The following TRPS1 variants were observed in gnomAD, a reference collection of about 807,000 sequenced individuals.
TRPS1 encodes zinc finger transcription factor Trps1.
A neutral mutation model predicts 101.2 loss-of-function variants in TRPS1; 6 were observed. The observed-to-expected ratio is 0.06, with a 90% CI of 0.03 to 0.12. The LOEUF is 0.12. TRPS1 is among the 10% of genes least tolerant of loss of function. TRPS1 has a pLI of 1.00. For synonymous variants in TRPS1, 578 were observed against 589.8 expected (o/e 0.98, Z 0.29); for missense variants, 1,363 against 1,567.0 (o/e 0.87, Z 2.20).
chr8:115,534,249 C>T (rs190344906), intron 5 of TRPS1, among the ~76,000 whole-genome samples: 52 of 150,064 alleles, frequency 3.5e-4, no homozygotes, highest in African/African-American at 1.2e-3. Flanking sequence ...GCTCTAACCC[C>T]GATACCATCA....
At chr8:115,607,699 C>T (rs1467017629) in intron 3 of TRPS1, among the ~76,000 whole-genome samples, 2 of 151,732 alleles carry the variant, frequency 1.3e-5, no homozygotes, top group East Asian at 3.9e-4. Context: ...ATATTAGAAT[C>T]ACATATTTTA....
rs761942727 is a variant in TRPS1 at position 115,451,152 on chromosome 8, G to GCT, written c.2701-32702_2701-32701dup. On this transcript the variant is annotated intron_variant, in intron 5 of 6. Coordinates refer to ENST00000395715, the MANE Select transcript of TRPS1 (RefSeq NM_014112.5). ...TAAAACCTGTATATTCATGTTGATT[G>GCT]CTATATTAGATGTGCAGTGCTCTAC... 1.1e-4 allele frequency among the ~76,000 whole-genome samples: 16 copies of GCT among 152,254 alleles called. No individual in the cohort carries two copies. The South Asian group carries it at 2.1e-3, about 20-fold the overall frequency.
chr8:115,667,001 C>A (rs1166895979), intron 1 of TRPS1, among the ~76,000 whole-genome samples: 1 of 152,192 alleles, frequency 6.6e-6, no homozygotes, highest in African/African-American at 2.4e-5. Flanking sequence ...TAAACTCTAG[C>A]CGTGATTTTC....
intron 1 of TRPS1, among the ~76,000 whole-genome samples, chr8:115,657,831 T>C (rs775195248): frequency 2.9e-4 from 44 of 152,010 alleles, no homozygotes; most frequent in Admixed American, 2.7e-3. Flanking sequence ...TCCTACTCAA[T>C]AGCAAACAAT....
chr8:115,455,775 C>CTTTCTTTTTTTTTTTTTTTTTTT (rs1554622479), intron 5 of TRPS1, among the ~76,000 whole-genome samples: 1 of 119,992 alleles, frequency 8.3e-6, no homozygotes, highest in African/African-American at 3.4e-5. Flanking sequence ...TTCTTTCTTT[C>CTTTCTTTTTTTTTTTTTTTTTTT]TTTTTTTTTT....
intron 5 of TRPS1, chr8:115,492,173 T>C (rs1350235069): frequency 6.6e-6 from 3 of 456,062 alleles, no homozygotes; most frequent in Non-Finnish European, 1.3e-5. Context: ...AGTATGGGTC[T>C]TAGAAAATAC....
At chr8:115,509,008 A>G (rs1016805633) in intron 5 of TRPS1, among the ~76,000 whole-genome samples, 35 of 152,088 alleles carry the variant, frequency 2.3e-4, no homozygotes, top group African/African-American at 8.2e-4. Context: ...CTTCTCTTGA[A>G]TTAAACAAAC....
intron 1 of TRPS1, among the ~76,000 whole-genome samples, chr8:115,646,733 C>T (rs11992021): frequency 0.048 from 7,303 of 152,048 alleles, 552 homozygotes; most frequent in African/African-American, 0.16. Context: ...AGACGTTTGA[C>T]GGCAAACTGT....
At chr8:115,502,645 G>A (rs1239667439) in intron 5 of TRPS1, among the ~76,000 whole-genome samples, 1 of 152,192 alleles carries the variant, frequency 6.6e-6, no homozygotes, top group African/African-American at 2.4e-5. Flanking sequence ...TGTGAATTGT[G>A]TGAGTGCCAA....
chr8:115,425,004 C>T (rs533508327), intron 5 of TRPS1, among the ~76,000 whole-genome samples: 3 of 152,282 alleles, frequency 2.0e-5, no homozygotes, highest in African/African-American at 7.2e-5. Flanking sequence ...GACTACACAC[C>T]AGTAGACCCT....
intron 5 of TRPS1, among the ~76,000 whole-genome samples, chr8:115,530,726 T>C (rs912453483): frequency 2.6e-5 from 4 of 152,136 alleles, no homozygotes; most frequent in Non-Finnish European, 4.4e-5. Flanking sequence ...GTGGCACATA[T>C]ACACCATGGA....
At chr8:115,619,024 G>A (rs1023574149) in intron 3 of TRPS1, 108 bp downstream of exon 3, 1 of 1,180,914 alleles carries the variant, frequency 8.5e-7, no homozygotes, top group Non-Finnish European at 1.2e-6. Flanking sequence ...GCTAGATCTA[G>A]CAGGCTACCT....
chr8:115,611,672 T>C (rs1818170329), intron 3 of TRPS1, among the ~76,000 whole-genome samples: 1 of 152,138 alleles, frequency 6.6e-6, no homozygotes, highest in Non-Finnish European at 1.5e-5. Context: ...TGAAAGGGCA[T>C]TTCAGGTGAA....
chr8:115,471,228 T>C (rs1419035559), intron 5 of TRPS1, among the ~76,000 whole-genome samples: 1 of 152,154 alleles, frequency 6.6e-6, no homozygotes, highest in Non-Finnish European at 1.5e-5. Flanking sequence ...AGAGGTTTAA[T>C]TGACTCAAAG....
chr8:115,566,150 A>G (rs1817062625), intron 5 of TRPS1, among the ~76,000 whole-genome samples: 1 of 152,158 alleles, frequency 6.6e-6, no homozygotes, highest in South Asian at 2.1e-4. Context: ...AAGAAAGAAT[A>G]TCTACATGTA....
intron 5 of TRPS1, among the ~76,000 whole-genome samples, chr8:115,535,660 G>C (rs1002918101): frequency 6.6e-6 from 1 of 150,708 alleles, no homozygotes; most frequent in African/African-American, 2.4e-5. Flanking sequence ...AGGAGATCAA[G>C]ACCATCCTGG....
At chr8:115,490,536 A>G (rs948970483) in intron 5 of TRPS1, among the ~76,000 whole-genome samples, 9 of 152,172 alleles carry the variant, frequency 5.9e-5, no homozygotes, top group Admixed American at 1.3e-4. Flanking sequence ...TTATAAATTC[A>G]TAATTACACT....
At chr8:115,560,265 T>G (rs969786958) in intron 5 of TRPS1, among the ~76,000 whole-genome samples, 1 of 152,134 alleles carries the variant, frequency 6.6e-6, no homozygotes, top group Non-Finnish European at 1.5e-5. Context: ...ATTAAATCAG[T>G]GATCAATATC....
At chr8:115,424,116 T>G (rs779262509) in intron 5 of TRPS1, among the ~76,000 whole-genome samples, 2 of 152,254 alleles carry the variant, frequency 1.3e-5, no homozygotes, top group Non-Finnish European at 2.9e-5. Context: ...ACTGAAACCA[T>G]GTAATTACAT....
Sources: allele counts gnomAD v4.1 joint callset (sites outside exome capture counted in the v4.1 genomes callset), GRCh38; gene constraint gnomAD v4.1.1; transcripts MANE v1.5; gene names NCBI Gene and HGNC (gene_info 2026-07-23, HGNC 2026-07-21).